DCAF8L2: variants seen among roughly 807,000 people sequenced by gnomAD.
The protein encoded by DCAF8L2 is DDB1 and CUL4 associated factor 8 like 2, also known as DDB1- and CUL4-associated factor 8-like protein 2.
For missense variants in DCAF8L2, 430 were observed against 490.7 expected (o/e 0.88, Z 1.17); for synonymous variants, 200 against 190.9 (o/e 1.05, Z -0.39).
the DCAF8L2 span, among the ~76,000 whole-genome samples, chrX:27,572,746 G>A: frequency 9.0e-6 from 1 of 111,326 alleles, no homozygotes; most frequent in Non-Finnish European, 1.9e-5. Context: ...CTGAGACACA[G>A]ACCTATTTAT....
chrX:27,665,391 A>G (rs6653776), intron 2 of DCAF8L2, among the ~76,000 whole-genome samples: 12,475 of 111,323 alleles, frequency 0.11, 540 homozygotes, highest in Middle Eastern at 0.14. Flanking sequence ...TAAAAGTTTA[A>G]TGGATGAAGA....
intron 3 of DCAF8L2, among the ~76,000 whole-genome samples, chrX:27,697,406 A>T (rs1930964571): frequency 9.0e-6 from 1 of 111,424 alleles, no homozygotes; most frequent in Non-Finnish European, 1.9e-5. Flanking sequence ...AATGAGAATG[A>T]TGTCCAATAA....
chrX:27,664,373 C>A (rs983159453), intron 2 of DCAF8L2, among the ~76,000 whole-genome samples: 4 of 111,756 alleles, frequency 3.6e-5, no homozygotes, highest in African/African-American at 9.8e-5. Flanking sequence ...TAACGCTCTT[C>A]AATTCTGTGA....
the DCAF8L2 span, among the ~76,000 whole-genome samples, chrX:27,520,546 A>G: frequency 5.5e-4 from 62 of 111,961 alleles, no homozygotes; most frequent in Non-Finnish European, 1.0e-3. Context: ...TCTATTTTCA[A>G]TCAGTACTGC....
chrX:27,573,160 C>G, the DCAF8L2 span, among the ~76,000 whole-genome samples: 2 of 110,047 alleles, frequency 1.8e-5, no homozygotes, highest in Non-Finnish European at 3.8e-5. Context: ...CTTAATTACC[C>G]CAAACATGGT....
intron 2 of DCAF8L2, among the ~76,000 whole-genome samples, chrX:27,672,359 G>T (rs918621859): frequency 1.5e-4 from 17 of 111,540 alleles, no homozygotes; most frequent in African/African-American, 5.5e-4. Flanking sequence ...AGTGATATTC[G>T]CATGATTTTC....
intron 4 of DCAF8L2, among the ~76,000 whole-genome samples, chrX:27,736,755 G>A (rs5926889): frequency 0.29 from 31,767 of 110,847 alleles, 3,915 homozygotes; most frequent in Middle Eastern, 0.43. Flanking sequence ...AGTTCTCAAA[G>A]TGTGATTGGG....
rs1456496906 is a variant in DCAF8L2, at chrX:27,630,006, C to G, written c.-341-1873C>G. 2.7e-5 allele frequency among the ~76,000 whole-genome samples: 3 copies of G among 111,414 alleles called. No individual in the cohort carries two copies. In the Admixed American group the frequency reaches 2.9e-4, roughly 11 times the overall value. ...TATCAATCTTTTGTAGTTTTCAGTG[C>G]AAAAGTCTTTCACCTCCTCGGTTAA... On this transcript the variant is annotated intron_variant, in intron 1 of 4. Coordinates refer to ENST00000451261, the MANE Select transcript of DCAF8L2 (RefSeq NM_001353450.2).
intron 1 of DCAF8L2, among the ~76,000 whole-genome samples, chrX:27,600,128 T>C (rs1266035462): frequency 2.7e-5 from 3 of 112,078 alleles, no homozygotes; most frequent in Non-Finnish European, 5.6e-5. Context: ...TGTTATATTT[T>C]TTTATCTAGG....
intron 2 of DCAF8L2, among the ~76,000 whole-genome samples, chrX:27,651,653 G>A (rs1237454934): frequency 9.3e-6 from 1 of 108,021 alleles, no homozygotes; most frequent in East Asian, 2.9e-4. Flanking sequence ...TGGGACTAAA[G>A]GAGCCTACCA....
chrX:27,726,096 A>C lies in DCAF8L2; in HGVS notation c.-59+9925A>C, dbSNP rs775287226. 2.7e-5 allele frequency among the ~76,000 whole-genome samples: 3 copies of C among 111,368 alleles called. No homozygotes were observed. In the East Asian group the frequency reaches 8.5e-4, roughly 31 times the overall value. ...CTTGATAACTTATATCACAACATAG[A>C]CCAAAAACTGCCACTTATTATTCAG... On this transcript the variant is annotated intron_variant, in intron 4 of 4. Transcript: ENST00000451261.
At chrX:27,488,915 A>G in the DCAF8L2 span, among the ~76,000 whole-genome samples, 2 of 110,187 alleles carry the variant, frequency 1.8e-5, no homozygotes, top group African/African-American at 6.6e-5. Context: ...TGGCCTCCCA[A>G]AGTGTTGAGA....
the DCAF8L2 span, among the ~76,000 whole-genome samples, chrX:27,481,296 T>C: frequency 9.0e-6 from 1 of 110,787 alleles, no homozygotes; most frequent in African/African-American, 3.3e-5. Flanking sequence ...GAGGATCACT[T>C]GAACCTAGGG....
intron 2 of DCAF8L2, among the ~76,000 whole-genome samples, chrX:27,638,728 T>C (rs73530641): frequency 0.048 from 5,359 of 111,695 alleles, 314 homozygotes; most frequent in African/African-American, 0.16. Context: ...AGCCCAATCA[T>C]TTGCATTTAT....
intron 4 of DCAF8L2, among the ~76,000 whole-genome samples, chrX:27,727,477 G>A (rs1569194526): frequency 9.0e-6 from 1 of 111,147 alleles, no homozygotes. Context: ...TTATGTGTGT[G>A]GGCATGCTTC....
chrX:27,533,352 G>C, the DCAF8L2 span, among the ~76,000 whole-genome samples: 1 of 109,861 alleles, frequency 9.1e-6, no homozygotes, highest in African/African-American at 3.3e-5. Flanking sequence ...GCCGCAGTGA[G>C]CTATGTATGA....
the DCAF8L2 span, among the ~76,000 whole-genome samples, chrX:27,563,806 CTT>C: frequency 8.3e-3 from 925 of 112,110 alleles, 5 homozygotes; most frequent in African/African-American, 0.028. Flanking sequence ...TTAATACACA[CTT>C]ATATATTGCT....
chrX:27,519,900 T>G, the DCAF8L2 span: 1 of 256,830 alleles, frequency 3.9e-6, no homozygotes, highest in Non-Finnish European at 6.8e-6. Context: ...ATATACTTTT[T>G]TTGAAATATT....
At chrX:27,552,968 A>G in the DCAF8L2 span, among the ~76,000 whole-genome samples, 61 of 111,694 alleles carry the variant, frequency 5.5e-4, no homozygotes, top group African/African-American at 1.8e-3. Context: ...CCTTTTAGAA[A>G]TCTTTCAATT....
Sources: gnomAD v4.1 joint callset for allele counts (sites outside exome capture counted in the v4.1 genomes callset) on GRCh38, gnomAD v4.1.1 for gene constraint, MANE v1.5 for transcripts, NCBI Gene and HGNC (gene_info 2026-07-23, HGNC 2026-07-21) for gene names.